Variants in ARHGEF33 observed in about 807,000 individuals in gnomAD.
ARHGEF33 encodes DH and coiled-coil domain-containing protein ENSP00000381780.
A neutral mutation model predicts 101.9 loss-of-function variants in ARHGEF33; 72 were observed. That is an observed-to-expected ratio of 0.71 (90% CI 0.58 to 0.86). ARHGEF33 has a LOEUF of 0.86. Ranked by LOEUF, ARHGEF33 falls within the 40% of genes least tolerant of loss-of-function variation. ARHGEF33 has a pLI of 0.00. For missense variants in ARHGEF33, 1,169 were observed against 1,111.3 expected (o/e 1.05, Z -0.74); for synonymous variants, 499 against 442.5 (o/e 1.13, Z -1.60).
intron 3 of ARHGEF33, 101 bp downstream of exon 3, chr2:38,919,573 A>G (rs1283029246): frequency 1.7e-6 from 2 of 1,205,138 alleles, no homozygotes; most frequent in Admixed American, 2.0e-5. Context: ...TATGTTAACT[A>G]TTTTCATTTC....
At chr2:38,967,599 G>A (rs1028583718) in intron 17 of ARHGEF33, among the ~76,000 whole-genome samples, 20 of 152,070 alleles carry the variant, frequency 1.3e-4, no homozygotes, top group African/African-American at 3.4e-4. Flanking sequence ...TTCTTGAGAC[G>A]GAGTCTGGCT....
At chr2:38,925,547 G>A (rs1035767130) in intron 4 of ARHGEF33, among the ~76,000 whole-genome samples, 25 of 152,208 alleles carry the variant, frequency 1.6e-4, no homozygotes, top group Middle Eastern at 3.4e-3. Context: ...GCTTCTGCAG[G>A]GAATATAGAG....
At chr2:38,905,483 G>A (rs1258880554) in intron 2 of ARHGEF33, among the ~76,000 whole-genome samples, 2 of 152,182 alleles carry the variant, frequency 1.3e-5, no homozygotes, top group Non-Finnish European at 2.9e-5. Context: ...GAGCTACCAG[G>A]ACTTTGAAAC....
At chr2:38,932,740 A>G (rs1667036522) in intron 7 of ARHGEF33, among the ~76,000 whole-genome samples, 1 of 152,226 alleles carries the variant, frequency 6.6e-6, no homozygotes, top group Non-Finnish European at 1.5e-5. Flanking sequence ...ACAATGTGTA[A>G]CAGCCCCCAG....
intron 16 of ARHGEF33, among the ~76,000 whole-genome samples, chr2:38,965,638 C>A (rs764166890): frequency 7.9e-5 from 12 of 152,202 alleles, no homozygotes; most frequent in Non-Finnish European, 1.6e-4. Flanking sequence ...GGTTTTCTAG[C>A]ACGACAGTGT....
At position 38,921,366 on chromosome 2, in the gene ARHGEF33, C is replaced by T. The variant is rs754467878; in HGVS notation, c.26-8C>T. The T allele has an allele frequency of 7.7e-5, 118 of 1,523,670 alleles. No individual in the cohort carries two copies. Among genetic ancestry groups the T allele is most frequent in the Admixed American group, 4.7e-4 (24 of 50,944 alleles). The allele number at this position is 1,523,670 out of a possible 1,614,324, so 94.4% of individuals were successfully genotyped here. On this transcript the variant is annotated splice_region_variant and splice_polypyrimidine_tract_variant and intron_variant, in intron 3 of 17. Transcript: ENST00000409978. ...GTGTTGATTAAACAAAGCTCTTTCT[C>T]CCTGCAGGAGAGAATGAACATATGC... is the stretch of plus-strand genomic sequence containing the variant.
intron 2 of ARHGEF33, among the ~76,000 whole-genome samples, chr2:38,909,330 A>AT (rs955393862): frequency 1.3e-5 from 2 of 149,436 alleles, no homozygotes; most frequent in Non-Finnish European, 3.0e-5. Flanking sequence ...ATTAAAAAAA[A>AT]TTTTTTTTTT....
chr2:38,895,905 C>G (rs1666111989), intron 2 of ARHGEF33, 56 bp downstream of exon 2: 1 of 152,074 alleles, frequency 6.6e-6, no homozygotes, highest in South Asian at 2.1e-4. Context: ...AAACTGAGAA[C>G]TTAGCTTAAA....
chr2:38,961,361 G>T (rs1476073867), intron 16 of ARHGEF33, among the ~76,000 whole-genome samples: 1 of 152,148 alleles, frequency 6.6e-6, no homozygotes, highest in African/African-American at 2.4e-5. Context: ...GCCAACCCCT[G>T]TGTCTGCAGG....
intron 2 of ARHGEF33, among the ~76,000 whole-genome samples, chr2:38,910,234 A>C (rs1377758543): frequency 6.6e-6 from 1 of 152,190 alleles, no homozygotes; most frequent in East Asian, 1.9e-4. Context: ...AATTTCAATA[A>C]TGTATGTTTT....
At chr2:38,938,046 A>G (rs9973559) in intron 9 of ARHGEF33, among the ~76,000 whole-genome samples, 14,614 of 152,116 alleles carry the variant, frequency 0.096, 1,883 homozygotes, top group African/African-American at 0.28. Flanking sequence ...ATTTTTAAAA[A>G]TTATTTTGAA....
intron 2 of ARHGEF33, among the ~76,000 whole-genome samples, chr2:38,897,193 C>T (rs889165550): frequency 1.3e-5 from 2 of 152,258 alleles, no homozygotes; most frequent in East Asian, 1.9e-4. Context: ...GGATTACAGG[C>T]GTGAGCCACC....
At chr2:38,946,612 T>A (rs1471833015) in intron 10 of ARHGEF33, among the ~76,000 whole-genome samples, 1 of 151,982 alleles carries the variant, frequency 6.6e-6, no homozygotes, top group East Asian at 1.9e-4. Flanking sequence ...CTGAAACCTC[T>A]GTGTGTACTT....
chr2:38,959,730 G>A, intron 15 of ARHGEF33, 111 bp from the exon 16 acceptor site: 1 of 1,201,322 alleles, frequency 8.3e-7, no homozygotes, highest in Non-Finnish European at 1.1e-6. Context: ...AGCTCGGGAG[G>A]TGGCATGCAC....
At chr2:38,930,258 T>C (rs1403901887) in intron 6 of ARHGEF33, among the ~76,000 whole-genome samples, 4 of 152,224 alleles carry the variant, frequency 2.6e-5, no homozygotes, top group Non-Finnish European at 5.9e-5. Context: ...TTAAACGATG[T>C]CTGGACTAGG....
At chr2:38,943,030 C>T (rs1667352550) in intron 9 of ARHGEF33, among the ~76,000 whole-genome samples, 2 of 152,170 alleles carry the variant, frequency 1.3e-5, no homozygotes, top group South Asian at 4.1e-4. Flanking sequence ...TGGGTTCAAG[C>T]AATCCTCCTG....
chr2:38,950,638 T>TG (rs1182266144), intron 10 of ARHGEF33, among the ~76,000 whole-genome samples: 8 of 152,194 alleles, frequency 5.3e-5, no homozygotes, highest in African/African-American at 1.9e-4. Flanking sequence ...TTAGTAGAGA[T>TG]GGGGTTTCAC....
Position 38,960,440 on chromosome 2 carries a change from TC to T in ARHGEF33, c.2138del (p.Pro713ArgfsTer67), listed in dbSNP as rs1667895433. On this transcript the variant is annotated frameshift_variant, in exon 16 of 18. Coordinates refer to ENST00000409978, the MANE Select transcript of ARHGEF33 (RefSeq NM_001145451.5). LOFTEE classifies it high-confidence loss of function. ...AKPLSRSLKE[F>X]PRAPPADGVA... ...CCGCTGAGCCGCTCTCTCAAAGAGT[TC>T]CCGCGTGCGCCGCCAGCCGACGGCG... 2 of 1,498,218 alleles carry T rather than the reference TC, an allele frequency of 1.3e-6. No individual in the cohort carries two copies. The highest frequency in any genetic ancestry group is 1.8e-6 in the Non-Finnish European group (2 of 1,130,660). 92.8% of individuals were successfully genotyped at this position (1,498,218 alleles called of 1,614,324 possible). A position where few individuals can be genotyped will look rare whatever the true frequency, so the allele number is the denominator to read the frequency against.
intron 4 of ARHGEF33, among the ~76,000 whole-genome samples, chr2:38,922,060 T>C (rs1014665531): frequency 2.0e-5 from 3 of 152,176 alleles, no homozygotes; most frequent in Non-Finnish European, 4.4e-5. Context: ...CGTATGAGAT[T>C]GTTTTGGTCC....
Sources: allele counts gnomAD v4.1 joint callset (sites outside exome capture counted in the v4.1 genomes callset), GRCh38; gene constraint gnomAD v4.1.1; transcripts MANE v1.5; gene names NCBI Gene and HGNC (gene_info 2026-07-23, HGNC 2026-07-21).